SNF8: variants seen among roughly 807,000 people sequenced by gnomAD.
The protein encoded by SNF8 is vacuolar-sorting protein SNF8.
In SNF8, 19 loss-of-function variants were observed where a neutral mutation model predicts 36.8. The ratio of observed to expected loss-of-function variants is 0.52; its 90% CI spans 0.36 to 0.76. The LOEUF is 0.76. Ranked by LOEUF, SNF8 falls within the 30% of genes least tolerant of loss-of-function variation. The probability of loss-of-function intolerance (pLI) is 0.00; values close to 1 mark genes in which losing one functional copy is unlikely to be tolerated. For synonymous variants in SNF8, 127 were observed against 127.4 expected, an observed-to-expected ratio of 1.00 and a Z score of 0.02; for missense variants, 268 against 322.9, an observed-to-expected ratio of 0.83 and a Z score of 1.30.
chr17:48,934,245 C>T (rs920222601), intron 5 of SNF8, among the ~76,000 whole-genome samples: 6 of 152,060 alleles, frequency 3.9e-5, no homozygotes, highest in African/African-American at 1.4e-4. Context: ...AACTGAAATG[C>T]TTCAAATGCT....
Position 48,929,858 on chromosome 17 carries a change from T to C in SNF8, c.*617A>G, listed in dbSNP as rs938997627. The C allele has an allele frequency of 1.3e-5, 2 of 152,196 alleles. No homozygotes were observed. The highest frequency in any genetic ancestry group is 4.8e-5 in the African/African-American group (2 of 41,438). The allele number at this position is 152,196 out of a possible 1,614,324, so 9.4% of individuals were successfully genotyped here. A position where few individuals can be genotyped will look rare whatever the true frequency, so the allele number is the denominator to read the frequency against. ...TACTGAGGCTAGAGGGACCTGGCAA[T>C]CACTACAGGAGGGTGAGAAAGCTAG... On this transcript the variant is annotated 3_prime_UTR_variant, in exon 8 of 8. Transcript: ENST00000502492.
intron 3 of SNF8, among the ~76,000 whole-genome samples, chr17:48,938,239 G>A (rs1282145437): frequency 2.6e-5 from 4 of 152,150 alleles, no homozygotes; most frequent in African/African-American, 4.8e-5. Context: ...GCTCACGCCT[G>A]TAATCCCAGC....
In SNF8 at chr17:48,930,227, G is replaced by A; in HGVS notation, c.*248C>T. 1 of 324,026 alleles carries A rather than the reference G, an allele frequency of 3.1e-6. No homozygotes were observed. Among genetic ancestry groups the A allele is most frequent in the Non-Finnish European group, 5.6e-6 (1 of 177,458 alleles). 20.1% of individuals were successfully genotyped at this position (324,026 alleles called of 1,614,324 possible). ...GGCCCAGCTCTTCCATGAACTTGCAGATGACCTACAAAAATCATTTTATAT... is the reference window on the plus strand; with the variant it reads ...GGCCCAGCTCTTCCATGAACTTGCAAATGACCTACAAAAATCATTTTATAT... On this transcript the variant is annotated 3_prime_UTR_variant, in exon 8 of 8. Coordinates refer to ENST00000502492, the MANE Select transcript of SNF8 (RefSeq NM_007241.4).
At chr17:48,931,742 G>T in intron 6 of SNF8, 25 bp from the exon 7 acceptor site, 3 of 1,598,042 alleles carry the variant, frequency 1.9e-6, no homozygotes, top group South Asian at 1.1e-5. Context: ...AATGGGGATT[G>T]AATCAGTTAA....
chr17:48,944,771 AC>A lies in SNF8; in HGVS notation c.-38del, dbSNP rs1247780909. The A allele has an allele frequency of 1.2e-5, 19 of 1,578,698 alleles. No homozygotes were observed. The highest frequency in any genetic ancestry group is 2.4e-5 in the East Asian group (1 of 41,846). On this transcript the variant is annotated 5_prime_UTR_variant, in exon 1 of 8. Coordinates refer to ENST00000502492, the MANE Select transcript of SNF8 (RefSeq NM_007241.4). ...GCCCGCGGGCCGCCCGGCTGCCGGG[AC>A]CCCGGGTCTCCACGTCCCGGACTCC...
In SNF8 at chr17:48,944,830, G is replaced by T; in HGVS notation, c.-96C>A. 2 of 1,398,442 alleles carry T rather than the reference G, an allele frequency of 1.4e-6. No homozygotes were observed. Among genetic ancestry groups the T allele is most frequent in the Non-Finnish European group, 9.2e-7 (1 of 1,087,186 alleles). The allele number at this position is 1,398,442 out of a possible 1,614,324, so 86.6% of individuals were successfully genotyped here. On this transcript the variant is annotated 5_prime_UTR_variant, in exon 1 of 8. Transcript: ENST00000502492. ...GCTCCCCAAGGCGGAAGCCCGAGCC[G>T]CGCGTCATCTGCACGCGCCGGAAGC... is the stretch of plus-strand genomic sequence containing the variant.
Position 48,935,512 on chromosome 17 carries a change from C to CA in SNF8, c.422+657dup, listed in dbSNP as rs34255720. ...TGGGCGACAGAGTGAGACTCTGTCT[C>CA]AAAAAAAAAAAAAAAAAAATTAGCC... On this transcript the variant is annotated intron_variant, in intron 5 of 7. Transcript: ENST00000502492. Among the ~76,000 whole-genome samples the CA allele has an allele frequency of 2.1e-3, 188 of 88,874 alleles. 2 individuals are homozygous for CA. Among genetic ancestry groups the CA allele is most frequent in the Admixed American group, 3.9e-3 (28 of 7,218 alleles). The allele number at this position is 88,874 out of a possible 152,430, so 58.3% of individuals were successfully genotyped here.
intron 2 of SNF8, among the ~76,000 whole-genome samples, chr17:48,943,223 A>G (rs1209073751): frequency 2.0e-5 from 3 of 149,246 alleles, no homozygotes; most frequent in African/African-American, 7.4e-5. Flanking sequence ...TAGTCCCAGC[A>G]CTCTGGGAGG....
chr17:48,931,830 A>C (rs2040864125), intron 6 of SNF8, 113 bp from the exon 7 acceptor site: 1 of 741,984 alleles, frequency 1.3e-6, no homozygotes, highest in Admixed American at 2.5e-5. Context: ...GCTGTCAAGC[A>C]TGAGAGAACA....
In SNF8 at chr17:48,930,387, T is replaced by C; in HGVS notation, c.*88A>G. 7 of 1,331,920 alleles carry C rather than the reference T, an allele frequency of 5.3e-6. No individual in the cohort carries two copies. Among genetic ancestry groups the C allele is most frequent in the Non-Finnish European group, 6.8e-6 (7 of 1,024,388 alleles). 82.5% of individuals were successfully genotyped at this position (1,331,920 alleles called of 1,614,324 possible). ...AGAAAGAAAAACTTGGAACTTTTTT[T>C]CTATTTTTTGTATAAACAAAATTGC... On this transcript the variant is annotated 3_prime_UTR_variant, in exon 8 of 8. Coordinates refer to ENST00000502492, the MANE Select transcript of SNF8 (RefSeq NM_007241.4).
chr17:48,937,699 T>C (rs1448057421), intron 3 of SNF8, among the ~76,000 whole-genome samples: 1 of 150,868 alleles, frequency 6.6e-6, no homozygotes, highest in East Asian at 2.0e-4. Flanking sequence ...AAGCCAAAGC[T>C]GGTGGATCAC....
At chr17:48,939,883 T>A (rs1162531314) in intron 3 of SNF8, among the ~76,000 whole-genome samples, 1 of 151,760 alleles carries the variant, frequency 6.6e-6, no homozygotes, top group African/African-American at 2.4e-5. Context: ...AAGACCAAAC[T>A]GGGCAACATG....
intron 2 of SNF8, 22 bp from the exon 3 acceptor site, chr17:48,941,084 G>T (rs1201260018): frequency 6.2e-7 from 1 of 1,608,906 alleles, no homozygotes; most frequent in East Asian, 2.2e-5. Flanking sequence ...ACAGGGAGTG[G>T]TGAAGGGCAG....
intron 4 of SNF8, 41 bp downstream of exon 4, chr17:48,936,979 A>G (rs1272924474): frequency 5.8e-6 from 8 of 1,386,420 alleles, no homozygotes; most frequent in Admixed American, 1.7e-5. Context: ...TCCCTCTCAG[A>G]GAAGTCCAGA....
chr17:48,933,191 A>T lies in SNF8; in HGVS notation c.564+14T>A. ...GTCCCTTGCACACACACACACTCGAAGGTGCACCAGTACCTCTGCCAGCTG... is the reference window on the plus strand; with the variant it reads ...GTCCCTTGCACACACACACACTCGATGGTGCACCAGTACCTCTGCCAGCTG... On this transcript the variant is annotated intron_variant, in intron 6 of 7. Coordinates refer to ENST00000502492, the MANE Select transcript of SNF8 (RefSeq NM_007241.4). 6.2e-7 allele frequency: 1 copy of T among 1,612,542 alleles called. No homozygotes were observed. The highest frequency in any genetic ancestry group is 2.2e-5 in the East Asian group (1 of 44,876).
At chr17:48,931,006 A>G (rs936908665) in intron 7 of SNF8, among the ~76,000 whole-genome samples, 1 of 152,184 alleles carries the variant, frequency 6.6e-6, no homozygotes, top group Non-Finnish European at 1.5e-5. Context: ...AACATGATTG[A>G]CCATACTTAT....
chr17:48,933,045 T>C (rs1277116156), intron 6 of SNF8, 160 bp downstream of exon 6: 11 of 686,188 alleles, frequency 1.6e-5, no homozygotes, highest in Non-Finnish European at 2.6e-5. Flanking sequence ...CTGTAGCTGC[T>C]CAATAAATGT....
chr17:48,932,358 C>T (rs1411866069), intron 6 of SNF8: 2 of 152,172 alleles, frequency 1.3e-5, no homozygotes, highest in Non-Finnish European at 2.9e-5. Context: ...TGCTAATAAC[C>T]TCCATTATTT....
chr17:48,934,536 G>T, intron 5 of SNF8: 2 of 178,360 alleles, frequency 1.1e-5, no homozygotes, highest in South Asian at 7.7e-5. Context: ...CCCAGGAGGC[G>T]GAGGTTGCAG....
Sources: gnomAD v4.1 joint callset for allele counts (sites outside exome capture counted in the v4.1 genomes callset) on GRCh38, gnomAD v4.1.1 for gene constraint, MANE v1.5 for transcripts, NCBI Gene and HGNC (gene_info 2026-07-23, HGNC 2026-07-21) for gene names.